Variants in CNST observed in about 807,000 individuals in gnomAD.
CNST encodes the protein consortin, connexin sorting protein.
Under a neutral mutation model 72.4 loss-of-function variants are expected in CNST, and 39 were observed. The ratio of observed to expected loss-of-function variants is 0.54; its 90% CI spans 0.42 to 0.70. CNST has a LOEUF of 0.70. Ranked by LOEUF, CNST falls within the 30% of genes least tolerant of loss-of-function variation. The pLI is 0.00. For missense variants in CNST, 871 were observed against 868.5 expected (o/e 1.00, Z -0.04); for synonymous variants, 332 against 320.1 (o/e 1.04, Z -0.40).
At chr1:246,624,169 G>A (rs866371160) in intron 3 of CNST, among the ~76,000 whole-genome samples, 4 of 152,208 alleles carry the variant, frequency 2.6e-5, no homozygotes, top group Admixed American at 6.5e-5. Context: ...TGCCTTTGAG[G>A]AAATGTATAC....
At chr1:246,574,756 T>C (rs1410697737) in intron 1 of CNST, among the ~76,000 whole-genome samples, 1 of 152,080 alleles carries the variant, frequency 6.6e-6, no homozygotes, top group African/African-American at 2.4e-5. Flanking sequence ...AATATGTTAC[T>C]CAAAAAAGGA....
intron 1 of CNST, among the ~76,000 whole-genome samples, chr1:246,574,459 A>G (rs1024710355): frequency 1.3e-5 from 2 of 152,174 alleles, no homozygotes; most frequent in African/African-American, 4.8e-5. Context: ...AGCTTGTCGC[A>G]CTATCACCCA....
intron 2 of CNST, among the ~76,000 whole-genome samples, chr1:246,618,215 G>A (rs1368334494): frequency 6.6e-6 from 1 of 152,162 alleles, no homozygotes; most frequent in East Asian, 1.9e-4. Flanking sequence ...TGTTTTTGAT[G>A]GTCAGAACTA....
chr1:246,649,564 A>G (rs1666336172), intron 9 of CNST, among the ~76,000 whole-genome samples: 1 of 152,184 alleles, frequency 6.6e-6, no homozygotes, highest in African/African-American at 2.4e-5. Flanking sequence ...CAAGTTGACC[A>G]TAAAGGGAGA....
chr1:246,659,718 A>G (rs2103165464), intron 9 of CNST, among the ~76,000 whole-genome samples: 1 of 152,324 alleles, frequency 6.6e-6, no homozygotes, highest in East Asian at 1.9e-4. Context: ...TGAGGACAAC[A>G]CTTTAATGTT....
intron 1 of CNST, among the ~76,000 whole-genome samples, chr1:246,570,191 A>G (rs1217013591): frequency 6.6e-6 from 1 of 152,204 alleles, no homozygotes; most frequent in Non-Finnish European, 1.5e-5. Flanking sequence ...CAGTTTTTAT[A>G]TAAAGCAACT....
intron 1 of CNST, among the ~76,000 whole-genome samples, chr1:246,573,181 T>G (rs1660173018): frequency 6.6e-6 from 1 of 152,242 alleles, no homozygotes; most frequent in Non-Finnish European, 1.5e-5. Context: ...TTGCTACAAG[T>G]ATTTTAAAAA....
intron 2 of CNST, among the ~76,000 whole-genome samples, chr1:246,594,253 G>C (rs1661733697): frequency 6.6e-6 from 1 of 152,068 alleles, no homozygotes; most frequent in African/African-American, 2.4e-5. Flanking sequence ...GGGTTCAAGT[G>C]ATCCTTTTAT....
At chr1:246,576,590 G>C (rs1027189533) in intron 1 of CNST, among the ~76,000 whole-genome samples, 1 of 151,218 alleles carries the variant, frequency 6.6e-6, no homozygotes, top group African/African-American at 2.4e-5. Context: ...CTGCCTCCCA[G>C]GTTCAAGTGA....
intron 1 of CNST, among the ~76,000 whole-genome samples, chr1:246,573,284 T>C (rs535700449): frequency 1.3e-5 from 2 of 152,354 alleles, no homozygotes; most frequent in East Asian, 3.9e-4. Context: ...GTAATACCCT[T>C]GCTCTTCCCT....
intron 1 of CNST, among the ~76,000 whole-genome samples, chr1:246,576,306 C>T (rs988352829): frequency 2.8e-5 from 3 of 109,034 alleles, no homozygotes; most frequent in African/African-American, 1.0e-4. Flanking sequence ...CCTCACGTGC[C>T]TATGATAACC....
At chr1:246,648,225 A>G in intron 9 of CNST, 188 bp downstream of exon 9, 1 of 1,378,706 alleles carries the variant, frequency 7.3e-7, no homozygotes, top group Non-Finnish European at 9.3e-7. Flanking sequence ...ACTTTTAATC[A>G]TTGCAATGTT....
At chr1:246,589,651 A>T (rs577674605) in intron 1 of CNST, among the ~76,000 whole-genome samples, 19 of 152,306 alleles carry the variant, frequency 1.2e-4, no homozygotes, top group African/African-American at 4.6e-4. Flanking sequence ...GGCTGGGTCA[A>T]ATGATATTTC....
intron 6 of CNST, among the ~76,000 whole-genome samples, chr1:246,640,183 T>A (rs928183465): frequency 6.6e-6 from 1 of 152,222 alleles, no homozygotes; most frequent in Non-Finnish European, 1.5e-5. Flanking sequence ...TTCAAAAGAT[T>A]CTTCTGATTA....
chr1:246,598,131 G>T (rs1398678864), intron 2 of CNST, among the ~76,000 whole-genome samples: 2 of 150,960 alleles, frequency 1.3e-5, no homozygotes, highest in Admixed American at 6.7e-5. Flanking sequence ...ACAAGCGCAT[G>T]CCGCTGCGCT....
intron 6 of CNST, among the ~76,000 whole-genome samples, chr1:246,640,514 C>T (rs1665618685): frequency 6.6e-6 from 1 of 152,054 alleles, no homozygotes; most frequent in Admixed American, 6.6e-5. Flanking sequence ...TTCAGAGATC[C>T]AGATTTCTGA....
At chr1:246,634,235 T>G (rs1664982037) in intron 5 of CNST, 1 of 554,622 alleles carries the variant, frequency 1.8e-6, no homozygotes. Flanking sequence ...AAAGAATACT[T>G]GCAACTATTT....
At chr1:246,640,998 T>C (rs2103118667) in intron 6 of CNST, among the ~76,000 whole-genome samples, 1 of 152,256 alleles carries the variant, frequency 6.6e-6, no homozygotes, top group African/African-American at 2.4e-5. Flanking sequence ...CCACCCACAA[T>C]AGTAACCACT....
rs61852423 is a variant in CNST, at chr1:246,653,535, T to C, written c.1836+5498T>C. On this transcript the variant is annotated intron_variant, in intron 9 of 10. Transcript: ENST00000366513. ...TGCAGTCTTCCAATAATGTAAGAGG[T>C]TTTAGAAACAATGGTTGGCCCAGAA... Among the ~76,000 whole-genome samples, 810 of 152,232 alleles carry C rather than the reference T, an allele frequency of 5.3e-3. 4 individuals carry two copies. Among genetic ancestry groups the C allele is most frequent in the South Asian group, 9.8e-3 (47 of 4,820 alleles).
Sources: allele counts gnomAD v4.1 joint callset (sites outside exome capture counted in the v4.1 genomes callset), GRCh38; gene constraint gnomAD v4.1.1; transcripts MANE v1.5; gene names NCBI Gene and HGNC (gene_info 2026-07-23, HGNC 2026-07-21).